QDPR: variants seen among roughly 807,000 people sequenced by gnomAD.
QDPR encodes quinoid dihydropteridine reductase, also known as dihydropteridine reductase.
In QDPR, 23 loss-of-function variants were observed where a neutral mutation model predicts 31.7. The observed-to-expected ratio is 0.73, with a 90% CI of 0.52 to 1.03. QDPR has a LOEUF of 1.03. QDPR is among the 50% of genes least tolerant of loss of function. The pLI, the probability that QDPR is intolerant of heterozygous loss-of-function variation, is 0.00. For synonymous variants in QDPR, 124 were observed against 124.7 expected (o/e 0.99, Z 0.03); for missense variants, 324 against 323.8 (o/e 1.00, Z 0.00).
chr4:17,507,699 G>T (rs920347846), intron 2 of QDPR, among the ~76,000 whole-genome samples: 1 of 151,858 alleles, frequency 6.6e-6, no homozygotes, highest in African/African-American at 2.4e-5. Flanking sequence ...TGCCTCCCAG[G>T]TTCAAGTGAT....
At chr4:17,505,618 G>A (rs1167870400) in intron 2 of QDPR, among the ~76,000 whole-genome samples, 2 of 152,202 alleles carry the variant, frequency 1.3e-5, no homozygotes, top group Admixed American at 1.3e-4. Context: ...TTGGGAGGCA[G>A]AGGCAGAAGG....
At chr4:17,494,357 G>C (rs1437175073) in intron 4 of QDPR, among the ~76,000 whole-genome samples, 1 of 152,100 alleles carries the variant, frequency 6.6e-6, no homozygotes, top group East Asian at 1.9e-4. Context: ...TTATAGAGAT[G>C]ATCCCAAGTG....
intron 6 of QDPR, 77 bp from the exon 7 acceptor site, chr4:17,487,313 C>G: frequency 5.0e-6 from 4 of 807,220 alleles, no homozygotes; most frequent in Non-Finnish European, 8.2e-6. Context: ...ACAGTGACGG[C>G]TTGTGGGGTG....
At chr4:17,490,313 T>C (rs1455592620) in intron 6 of QDPR, 1 of 344,162 alleles carries the variant, frequency 2.9e-6, no homozygotes, top group African/African-American at 2.1e-5. Context: ...CTGTGTTGAG[T>C]GCTTGCCGCA....
intron 4 of QDPR, among the ~76,000 whole-genome samples, chr4:17,500,179 T>C (rs1415917574): frequency 1.3e-5 from 2 of 151,958 alleles, no homozygotes; most frequent in African/African-American, 4.8e-5. Flanking sequence ...GTGGTCTCAA[T>C]CTCCACCTCA....
Position 17,492,305 on chromosome 4 carries a change from G to A in QDPR, c.472C>T (p.His158Tyr), listed in dbSNP as rs750201480. ...IGYGMAKGAV[H>Y]QLCQSLAGKN... The stretch of plus-strand genomic sequence containing the variant: ...CCAGCCAGGCTCTGGCAGAGCTGGT[G>A]AACAGCACCCTTGGCCATGCCGTAC... Residue 158 changes from histidine to tyrosine, a missense_variant, in exon 5 of 7, where the codon CAC (histidine) becomes TAC (tyrosine). Transcript: ENST00000281243. The A allele has an allele frequency of 1.9e-6, 3 of 1,614,100 alleles. No homozygotes were observed. The highest frequency in any genetic ancestry group is 2.5e-6 in the Non-Finnish European group (3 of 1,180,046).
chr4:17,491,944 T>C (rs559907174), intron 5 of QDPR, among the ~76,000 whole-genome samples: 1 of 152,324 alleles, frequency 6.6e-6, no homozygotes. Context: ...CTATGAGGAA[T>C]GAGCCCTCGC....
intron 3 of QDPR, 83 bp from the exon 4 acceptor site, chr4:17,501,942 G>A (rs1718580361): frequency 1.3e-6 from 2 of 1,576,538 alleles, no homozygotes; most frequent in African/African-American, 1.3e-5. Flanking sequence ...CCACACTCAG[G>A]GAGGCCCTCC....
chr4:17,505,497 T>A (rs1718755597), intron 2 of QDPR, among the ~76,000 whole-genome samples: 1 of 152,176 alleles, frequency 6.6e-6, no homozygotes, highest in African/African-American at 2.4e-5. Context: ...TTCGCCTGCC[T>A]CGGCCTCTCA....
At position 17,512,031 on chromosome 4, in the gene QDPR, G is replaced by C. The variant is rs1273199329; in HGVS notation, c.24C>G (p.Gly8=). 3.7e-6 allele frequency: 6 copies of C among 1,603,510 alleles called. No individual in the cohort carries two copies. Among genetic ancestry groups the C allele is most frequent in the Non-Finnish European group, 5.1e-6 (6 of 1,176,282 alleles). ...CGTACACCAGCACCCGGCGCGCCTC[G>C]CCTGCAGCCGCCGCCGCCGCCATCC... The part of the protein sequence containing the change: MAAAAAA[G]EARRVLVYGG... The change falls in exon 1 of 7, where the codon GGC becomes GGG. Residue 8 remains glycine, a synonymous_variant. Coordinates refer to ENST00000281243, the MANE Select transcript of QDPR (RefSeq NM_000320.3).
At chr4:17,505,243 C>CTTTTTTTTT (rs1230268105) in intron 2 of QDPR, among the ~76,000 whole-genome samples, 3 of 103,294 alleles carry the variant, frequency 2.9e-5, no homozygotes, top group Non-Finnish European at 3.9e-5. Flanking sequence ...CTTAAGATTT[C>CTTTTTTTTT]TTTTTTTTTT....
At chr4:17,500,059 C>G (rs377159329) in intron 4 of QDPR, among the ~76,000 whole-genome samples, 4 of 151,900 alleles carry the variant, frequency 2.6e-5, no homozygotes, top group Admixed American at 1.3e-4. Context: ...TCTCGGCTCA[C>G]TGCAAGCTCC....
At chr4:17,499,126 C>T (rs2108991584) in intron 4 of QDPR, among the ~76,000 whole-genome samples, 1 of 152,300 alleles carries the variant, frequency 6.6e-6, no homozygotes, top group South Asian at 2.1e-4. Flanking sequence ...GAGACATTTA[C>T]AAGGTACAAC....
At chr4:17,497,333 C>A (rs1289994238) in intron 4 of QDPR, among the ~76,000 whole-genome samples, 2 of 151,918 alleles carry the variant, frequency 1.3e-5, no homozygotes, top group African/African-American at 4.8e-5. Context: ...TTCCCATAAG[C>A]TCTATTTGTC....
chr4:17,495,675 G>T (rs1430044109), intron 4 of QDPR, among the ~76,000 whole-genome samples: 1 of 152,108 alleles, frequency 6.6e-6, no homozygotes, highest in Non-Finnish European at 1.5e-5. Flanking sequence ...TTATTGTTTT[G>T]TTCACCAATG....
intron 4 of QDPR, among the ~76,000 whole-genome samples, chr4:17,500,721 C>T (rs1158383752): frequency 6.6e-6 from 1 of 152,110 alleles, no homozygotes; most frequent in Non-Finnish European, 1.5e-5. Flanking sequence ...TCTGTGGCTA[C>T]CCAAACAAAC....
intron 6 of QDPR, among the ~76,000 whole-genome samples, chr4:17,488,188 G>T (rs937178201): frequency 5.3e-5 from 8 of 151,738 alleles, no homozygotes; most frequent in African/African-American, 1.7e-4. Context: ...TTGAGCCCCG[G>T]AGATCAAGGC....
In QDPR at chr4:17,512,075, T is replaced by C. The variant is rs1286597620; in HGVS notation, c.-21A>G. The C allele has an allele frequency of 2.0e-5, 31 of 1,556,012 alleles. No homozygotes were observed. The highest frequency in any genetic ancestry group is 2.6e-5 in the Non-Finnish European group (30 of 1,154,156). On this transcript the variant is annotated 5_prime_UTR_variant, in exon 1 of 7. Transcript: ENST00000281243. ...GCCATCCTGCTCCTGCCAGCCCGGC[T>C]CCCGCAGCTCCGAATGCCTCGAGCC...
chr4:17,496,468 A>G (rs1353706227), intron 4 of QDPR, among the ~76,000 whole-genome samples: 1 of 141,734 alleles, frequency 7.1e-6, no homozygotes, highest in Non-Finnish European at 1.6e-5. Context: ...AAAAAAAAAA[A>G]AAAAGAACAA....
Sources: allele counts gnomAD v4.1 joint callset (sites outside exome capture counted in the v4.1 genomes callset), GRCh38; gene constraint gnomAD v4.1.1; transcripts MANE v1.5; gene names NCBI Gene and HGNC (gene_info 2026-07-23, HGNC 2026-07-21).